CCSER1: variants seen among roughly 807,000 people sequenced by gnomAD.
The protein encoded by CCSER1 is coiled-coil serine rich protein 1.
CCSER1 carries 41 observed loss-of-function variants against 82.0 expected under a neutral mutation model. The ratio of observed to expected loss-of-function variants is 0.50; its 90% CI spans 0.39 to 0.65. The LOEUF (loss-of-function observed/expected upper bound fraction) is 0.65, where lower values mean the gene tolerates loss of function less well. CCSER1 is among the 30% of genes least tolerant of loss of function. The pLI is 0.00. For synonymous variants in CCSER1, 414 were observed against 383.9 expected, an observed-to-expected ratio of 1.08 and a Z score of -0.92; for missense variants, 1,119 against 1,064.2, an observed-to-expected ratio of 1.05 and a Z score of -0.72.
rs748274723 is a variant in CCSER1, at chr4:90,348,161, T to C, written c.1509+35114T>C. The stretch of plus-strand genomic sequence containing the variant: ...GGAGAAGATCAGGAAAAATAACAAA[T>C]GGGTACTAGGTGAAATACCTGGGTG... On this transcript the variant is annotated intron_variant, in intron 3 of 10. Transcript: ENST00000509176. Among the ~76,000 whole-genome samples, 117 of 152,080 alleles carry C rather than the reference T, an allele frequency of 7.7e-4. 1 individual carries two copies. Among genetic ancestry groups the C allele is most frequent in the Non-Finnish European group, 1.2e-4 (8 of 67,978 alleles).
intron 7 of CCSER1, among the ~76,000 whole-genome samples, chr4:90,786,111 AG>A (rs1252535410): frequency 6.6e-6 from 1 of 152,198 alleles, no homozygotes; most frequent in Non-Finnish European, 1.5e-5. Flanking sequence ...TACTTTCTCA[AG>A]GGCTTTCATA....
At chr4:90,271,424 A>T (rs1726253127) in intron 1 of CCSER1, among the ~76,000 whole-genome samples, 1 of 152,294 alleles carries the variant, frequency 6.6e-6, no homozygotes, top group South Asian at 2.1e-4. Flanking sequence ...TTCTGGGAAG[A>T]CTGGATGTCC....
At chr4:91,059,101 T>C (rs1645799445) in intron 9 of CCSER1, among the ~76,000 whole-genome samples, 1 of 152,032 alleles carries the variant, frequency 6.6e-6, no homozygotes, top group South Asian at 2.1e-4. Context: ...AAGAATATTA[T>C]GTCACTTTAG....
intron 7 of CCSER1, among the ~76,000 whole-genome samples, chr4:90,791,206 A>G (rs1755185832): frequency 1.3e-5 from 2 of 152,180 alleles, no homozygotes; most frequent in South Asian, 4.2e-4. Flanking sequence ...TGTCCCAATG[A>G]TTCAATTACC....
intron 1 of CCSER1, among the ~76,000 whole-genome samples, chr4:90,166,007 C>A (rs1355707014): frequency 6.6e-6 from 1 of 151,974 alleles, no homozygotes; most frequent in Non-Finnish European, 1.5e-5. Flanking sequence ...CATATTCCAA[C>A]TATAGACGGT....
chr4:90,789,490 A>G (rs115554457), intron 7 of CCSER1, among the ~76,000 whole-genome samples: 130 of 152,170 alleles, frequency 8.5e-4, no homozygotes, highest in African/African-American at 2.6e-3. Flanking sequence ...CACGTAGCCA[A>G]TGTCTACTGA....
chr4:91,237,715 C>G (rs543635594), intron 10 of CCSER1, among the ~76,000 whole-genome samples: 3 of 151,928 alleles, frequency 2.0e-5, no homozygotes, highest in East Asian at 3.9e-4. Context: ...GAGAGAGAGA[C>G]AGAGACTGAC....
At chr4:90,535,543 G>T (rs1454135934) in intron 5 of CCSER1, among the ~76,000 whole-genome samples, 1 of 152,158 alleles carries the variant, frequency 6.6e-6, no homozygotes, top group East Asian at 1.9e-4. Flanking sequence ...AGCACAGACA[G>T]CCACTAAATA....
chr4:90,961,289 C>T (rs1734029824), intron 9 of CCSER1, among the ~76,000 whole-genome samples: 1 of 152,050 alleles, frequency 6.6e-6, no homozygotes, highest in Admixed American at 6.6e-5. Context: ...CAGTATAGAC[C>T]TTCTAGCTTG....
intron 9 of CCSER1, among the ~76,000 whole-genome samples, chr4:90,955,360 C>T (rs1187357427): frequency 6.6e-6 from 1 of 152,148 alleles, no homozygotes; most frequent in African/African-American, 2.4e-5. Context: ...GAGGCTGCAG[C>T]AGGCAAGCAT....
intron 6 of CCSER1, among the ~76,000 whole-genome samples, chr4:90,630,289 A>T (rs1724137717): frequency 6.6e-6 from 1 of 152,228 alleles, no homozygotes; most frequent in African/African-American, 2.4e-5. Flanking sequence ...TCAACTATTC[A>T]GCTTTTTACC....
chr4:90,285,805 G>A (rs1729780604), intron 1 of CCSER1, among the ~76,000 whole-genome samples: 1 of 151,870 alleles, frequency 6.6e-6, no homozygotes, highest in African/African-American at 2.4e-5. Context: ...ATCATGTTGA[G>A]GTATGTTCCT....
intron 10 of CCSER1, among the ~76,000 whole-genome samples, chr4:91,229,920 G>A (rs535950701): frequency 3.6e-4 from 55 of 152,112 alleles, no homozygotes; most frequent in African/African-American, 1.1e-3. Flanking sequence ...GTTGACAGGC[G>A]CAGCAAACCA....
chr4:91,104,553 A>G (rs552775069), intron 10 of CCSER1, among the ~76,000 whole-genome samples: 11 of 152,210 alleles, frequency 7.2e-5, no homozygotes, highest in Non-Finnish European at 1.2e-4. Flanking sequence ...TCAGTCTTAT[A>G]CAAGTCATAG....
intron 8 of CCSER1, among the ~76,000 whole-genome samples, chr4:90,830,947 C>G (rs948299288): frequency 1.3e-5 from 2 of 152,084 alleles, no homozygotes; most frequent in African/African-American, 4.8e-5. Context: ...TGTCCTTTTT[C>G]ATGTTAATCT....
At chr4:91,175,392 C>G (rs915602008) in intron 10 of CCSER1, among the ~76,000 whole-genome samples, 1 of 152,170 alleles carries the variant, frequency 6.6e-6, no homozygotes, top group Non-Finnish European at 1.5e-5. Context: ...CTTGAGGAAT[C>G]GCCACACTGC....
intron 6 of CCSER1, among the ~76,000 whole-genome samples, chr4:90,667,572 TA>T (rs1188133063): frequency 2.0e-5 from 3 of 152,248 alleles, no homozygotes; most frequent in African/African-American, 7.2e-5. Context: ...AACTCCCACT[TA>T]CGAGTGAGAG....
intron 10 of CCSER1, among the ~76,000 whole-genome samples, chr4:91,305,299 T>C (rs1181793716): frequency 6.6e-6 from 1 of 152,070 alleles, no homozygotes; most frequent in Non-Finnish European, 1.5e-5. Context: ...AACATTCCTG[T>C]AACCAAAATA....
chr4:90,993,817 G>A (rs903993643), intron 9 of CCSER1, among the ~76,000 whole-genome samples: 2 of 151,916 alleles, frequency 1.3e-5, no homozygotes, highest in African/African-American at 4.8e-5. Context: ...TGAGGTTTAC[G>A]TCTTCAACAT....
Sources: gnomAD v4.1 joint callset for allele counts (sites outside exome capture counted in the v4.1 genomes callset) on GRCh38, gnomAD v4.1.1 for gene constraint, MANE v1.5 for transcripts, NCBI Gene and HGNC (gene_info 2026-07-23, HGNC 2026-07-21) for gene names.